Variants in TTLL5 observed in about 807,000 individuals in gnomAD.
The protein encoded by TTLL5 is tubulin polyglutamylase TTLL5.
TTLL5 carries 132 observed loss-of-function variants against 168.4 expected under a neutral mutation model. The observed-to-expected ratio is 0.78, with a 90% CI of 0.68 to 0.91. TTLL5 has a LOEUF of 0.91. TTLL5 is among the 40% of genes least tolerant of loss of function. The pLI, the probability that TTLL5 is intolerant of heterozygous loss-of-function variation, is 0.00. For missense variants in TTLL5, 1,545 were observed against 1,581.5 expected (o/e 0.98, Z 0.39); for synonymous variants, 546 against 558.6 (o/e 0.98, Z 0.32).
intron 30 of TTLL5, among the ~76,000 whole-genome samples, chr14:75,883,893 G>A (rs2031953910): frequency 6.6e-6 from 1 of 152,220 alleles, no homozygotes; most frequent in East Asian, 1.9e-4. Flanking sequence ...GGAAATGTGT[G>A]CCTTCTCACC....
intron 2 of TTLL5, among the ~76,000 whole-genome samples, chr14:75,669,052 A>G (rs996850160): frequency 2.0e-5 from 3 of 152,208 alleles, no homozygotes; most frequent in African/African-American, 7.2e-5. Flanking sequence ...AGAGGAAGAC[A>G]GGCTATCATC....
At chr14:75,768,757 C>T (rs1891109280) in intron 20 of TTLL5, among the ~76,000 whole-genome samples, 1 of 152,110 alleles carries the variant, frequency 6.6e-6, no homozygotes, top group Non-Finnish European at 1.5e-5. Context: ...AATTAGAGGC[C>T]AGTTCTTATA....
chr14:75,734,009 A>C lies in TTLL5; in HGVS notation c.1145A>C (p.Lys382Thr). Reference protein sequence around the residue: ...SLACDAPLDLKIKASMISDMF... With the variant: ...SLACDAPLDLTIKASMISDMF... ...GTTAGTGATGCGCCTCTGGACCTAA[A>C]GATTAAAGCCAGTATGATTTCAGAT... The change falls in exon 14 of 32, where the codon AAG becomes ACG. Residue 382 changes from lysine to threonine, a missense_variant. Physicochemically the swap from Lys to Thr is moderately conservative, Grantham distance 78. Coordinates refer to ENST00000298832, the MANE Select transcript of TTLL5 (RefSeq NM_015072.5). The C allele has an allele frequency of 1.2e-6, 2 of 1,614,028 alleles. No homozygotes were observed. Among genetic ancestry groups the C allele is most frequent in the Non-Finnish European group, 1.7e-6 (2 of 1,179,938 alleles).
At chr14:75,858,063 C>T (rs1193176733) in intron 28 of TTLL5, among the ~76,000 whole-genome samples, 2 of 152,088 alleles carry the variant, frequency 1.3e-5, no homozygotes, top group African/African-American at 4.8e-5. Flanking sequence ...CGTATTGCAG[C>T]AGGTCTGTGA....
intron 29 of TTLL5, among the ~76,000 whole-genome samples, chr14:75,875,071 C>A (rs769775772): frequency 4.7e-5 from 7 of 149,546 alleles, no homozygotes; most frequent in Non-Finnish European, 8.9e-5. Context: ...GTAACTGAGA[C>A]TACAGGTGCC....
At chr14:75,695,258 C>A (rs538195302) in intron 6 of TTLL5, among the ~76,000 whole-genome samples, 1 of 152,192 alleles carries the variant, frequency 6.6e-6, no homozygotes, top group African/African-American at 2.4e-5. Context: ...GGTCTCCCGT[C>A]GCGCTCCCAG....
At chr14:75,770,644 C>T (rs1216243512) in intron 20 of TTLL5, among the ~76,000 whole-genome samples, 1 of 152,218 alleles carries the variant, frequency 6.6e-6, no homozygotes, top group African/African-American at 2.4e-5. Flanking sequence ...CAGTGTCTCT[C>T]TGGTACTTCT....
intron 31 of TTLL5, among the ~76,000 whole-genome samples, chr14:75,936,217 G>T (rs1323809197): frequency 6.6e-6 from 1 of 152,112 alleles, no homozygotes; most frequent in Non-Finnish European, 1.5e-5. Flanking sequence ...TTTTACAGTG[G>T]AGACTTATAT....
intron 30 of TTLL5, among the ~76,000 whole-genome samples, chr14:75,896,099 C>T (rs1157165096): frequency 6.6e-6 from 1 of 152,140 alleles, no homozygotes; most frequent in Non-Finnish European, 1.5e-5. Flanking sequence ...CTAAATGTTT[C>T]ATGATTTGGT....
At chr14:75,902,290 C>A in intron 31 of TTLL5, 66 bp downstream of exon 31, 1 of 1,514,780 alleles carries the variant, frequency 6.6e-7, no homozygotes, top group Non-Finnish European at 9.1e-7. Flanking sequence ...TTGGCACATT[C>A]TCTCTTCTGC....
chr14:75,938,626 C>T (rs185347451), intron 31 of TTLL5, among the ~76,000 whole-genome samples: 4 of 152,272 alleles, frequency 2.6e-5, no homozygotes, highest in Admixed American at 2.0e-4. Flanking sequence ...GAGGTACACA[C>T]GTTTTTATTC....
At chr14:75,735,375 G>A in intron 15 of TTLL5, 86 bp downstream of exon 15, 1 of 1,299,644 alleles carries the variant, frequency 7.7e-7, no homozygotes, top group South Asian at 1.2e-5. Context: ...AGCACTGTGG[G>A]TATGAGGTCA....
chr14:75,919,450 T>C (rs1308088585), intron 31 of TTLL5, among the ~76,000 whole-genome samples: 1 of 152,028 alleles, frequency 6.6e-6, no homozygotes, highest in Non-Finnish European at 1.5e-5. Context: ...AGAAATAAAC[T>C]TATATATCAA....
At chr14:75,828,875 A>G (rs144124010) in intron 28 of TTLL5, among the ~76,000 whole-genome samples, 3 of 152,254 alleles carry the variant, frequency 2.0e-5, no homozygotes, top group Non-Finnish European at 4.4e-5. Flanking sequence ...TGTTTCAGCT[A>G]GGAAATGATT....
intron 17 of TTLL5, among the ~76,000 whole-genome samples, chr14:75,748,628 C>T (rs906755008): frequency 6.6e-6 from 1 of 152,068 alleles, no homozygotes; most frequent in African/African-American, 2.4e-5. Context: ...AGGCTCAGTG[C>T]CTTAAGACAT....
chr14:75,870,009 G>A (rs932585067), intron 29 of TTLL5, among the ~76,000 whole-genome samples: 2 of 151,392 alleles, frequency 1.3e-5, no homozygotes, highest in African/African-American at 4.9e-5. Context: ...TAGTAGAGAT[G>A]GGGTTTTCAC....
intron 22 of TTLL5, among the ~76,000 whole-genome samples, chr14:75,775,879 C>G (rs1451461367): frequency 6.6e-6 from 1 of 152,164 alleles, no homozygotes; most frequent in African/African-American, 2.4e-5. Context: ...AGGCATATTC[C>G]TTTTGAGCAC....
chr14:75,728,417 A>G (rs1039111360), intron 12 of TTLL5, among the ~76,000 whole-genome samples: 2 of 151,654 alleles, frequency 1.3e-5, no homozygotes, highest in African/African-American at 4.8e-5. Flanking sequence ...GACAAGAAAG[A>G]GAGATAGAGA....
At chr14:75,733,794 A>G (rs1418231936) in intron 13 of TTLL5, among the ~76,000 whole-genome samples, 195 bp from the exon 14 acceptor site, 1 of 152,152 alleles carries the variant, frequency 6.6e-6, no homozygotes, top group African/African-American at 2.4e-5. Context: ...ACAGAGGACG[A>G]ATTTAACACC....
Sources: allele counts gnomAD v4.1 joint callset (sites outside exome capture counted in the v4.1 genomes callset), GRCh38; gene constraint gnomAD v4.1.1; transcripts MANE v1.5; gene names NCBI Gene and HGNC (gene_info 2026-07-23, HGNC 2026-07-21).